Variants in SLIT2 observed in about 807,000 individuals in gnomAD.
The protein encoded by SLIT2 is slit homolog 2 protein.
Under a neutral mutation model 185.7 loss-of-function variants are expected in SLIT2, and 41 were observed. That is an observed-to-expected ratio of 0.22 (90% CI 0.17 to 0.29). The LOEUF (loss-of-function observed/expected upper bound fraction) is 0.29. Ranked by LOEUF, SLIT2 falls within the 10% of genes least tolerant of loss-of-function variation. The pLI, the probability that SLIT2 is intolerant of heterozygous loss-of-function variation, is 1.00. For missense variants in SLIT2, 1,571 were observed against 1,909.0 expected, an observed-to-expected ratio of 0.82 and a Z score of 3.30; for synonymous variants, 693 against 680.2, an observed-to-expected ratio of 1.02 and a Z score of -0.29.
chr4:20,301,857 A>G (rs531397773), intron 4 of SLIT2, among the ~76,000 whole-genome samples: 113 of 152,306 alleles, frequency 7.4e-4, no homozygotes, highest in African/African-American at 2.5e-3. Flanking sequence ...CTCCCTAACT[A>G]TGCTAGACAG....
chr4:20,533,768 T>A, intron 18 of SLIT2, 53 bp downstream of exon 18: 1 of 1,530,648 alleles, frequency 6.5e-7, no homozygotes, highest in Non-Finnish European at 8.9e-7. Flanking sequence ...TGCAGCTCAT[T>A]GTTCATTATA....
chr4:20,252,162 G>A lies in SLIT2; in HGVS notation c.-1654G>A, dbSNP rs1416992123. On this transcript the variant is annotated 5_prime_UTR_variant, in exon 1 of 37. Coordinates refer to ENST00000504154, the MANE Select transcript of SLIT2 (RefSeq NM_004787.4). ...AGCCGGCTCCGGAGGCGCGGGCCGGGTTTTTGTTTGGCTACGCTGAGCGCC... is the reference window on the plus strand; with the variant it reads ...AGCCGGCTCCGGAGGCGCGGGCCGGATTTTTGTTTGGCTACGCTGAGCGCC... Among the ~76,000 whole-genome samples, 2 of 152,088 alleles carry A rather than the reference G, an allele frequency of 1.3e-5. No individual in the cohort carries two copies. The highest frequency in any genetic ancestry group is 2.1e-4 in the South Asian group (1 of 4,836).
intron 9 of SLIT2, among the ~76,000 whole-genome samples, chr4:20,492,555 G>A (rs1208070793): frequency 1.3e-5 from 2 of 152,132 alleles, no homozygotes; most frequent in Non-Finnish European, 2.9e-5. Context: ...GGTCACATAA[G>A]ATGTAAAATG....
chr4:20,290,021 A>C (rs1437347523), intron 4 of SLIT2, among the ~76,000 whole-genome samples: 1 of 152,168 alleles, frequency 6.6e-6, no homozygotes, highest in Non-Finnish European at 1.5e-5. Context: ...GGGTCTTTGC[A>C]CATGCAGATT....
chr4:20,427,109 C>T lies in SLIT2; in HGVS notation c.396-40643C>T, dbSNP rs1014106549. On this transcript the variant is annotated intron_variant, in intron 4 of 36. Transcript: ENST00000504154. ...TCTGCAAGATAAGCAGACTTCAATC[C>T]TCAATTGAAAGGCAAAGACAGGCTT... Among the ~76,000 whole-genome samples the T allele has an allele frequency of 2.0e-5, 3 of 152,248 alleles. No individual in the cohort carries two copies. In the South Asian group the frequency reaches 6.2e-4, roughly 32 times the overall value.
chr4:20,343,274 G>A lies in SLIT2; in HGVS notation c.395+74393G>A, dbSNP rs187284833. On this transcript the variant is annotated intron_variant, in intron 4 of 36. Transcript: ENST00000504154. ...CTATCATTCCACTCTCCATTACTTC[G>A]TGGGGTCAACATTTTTAGCTCCCAC... Among the ~76,000 whole-genome samples, 166 of 151,950 alleles carry A rather than the reference G, an allele frequency of 1.1e-3. 2 individuals are homozygous for A. The highest frequency in any genetic ancestry group is 0.011 in the Admixed American group (162 of 15,282).
chr4:20,420,367 A>C (rs1728079588), intron 4 of SLIT2, among the ~76,000 whole-genome samples: 1 of 152,194 alleles, frequency 6.6e-6, no homozygotes, highest in African/African-American at 2.4e-5. Flanking sequence ...TTTCCAAGTG[A>C]TTAGTCTTTC....
At chr4:20,397,600 C>T (rs1028023216) in intron 4 of SLIT2, among the ~76,000 whole-genome samples, 3 of 151,812 alleles carry the variant, frequency 2.0e-5, no homozygotes, top group Non-Finnish European at 2.9e-5. Context: ...ATAATCTTCT[C>T]TGTCAAGATG....
chr4:20,443,637 G>A (rs752393643), intron 4 of SLIT2, among the ~76,000 whole-genome samples: 2 of 148,904 alleles, frequency 1.3e-5, no homozygotes, highest in Admixed American at 6.7e-5. Flanking sequence ...ACCAGGAATG[G>A]CTTTATAACA....
chr4:20,353,667 T>C (rs1440611408), intron 4 of SLIT2, among the ~76,000 whole-genome samples: 1 of 152,190 alleles, frequency 6.6e-6, no homozygotes, highest in Non-Finnish European at 1.5e-5. Flanking sequence ...TAGAGGCTTA[T>C]AGATCCTGAA....
At chr4:20,472,966 C>G (rs1161965448) in intron 5 of SLIT2, among the ~76,000 whole-genome samples, 1 of 151,388 alleles carries the variant, frequency 6.6e-6, no homozygotes, top group Non-Finnish European at 1.5e-5. Context: ...TTAAAATTAC[C>G]TAGATCACTA....
intron 4 of SLIT2, among the ~76,000 whole-genome samples, chr4:20,410,761 G>C (rs191456295): frequency 1.3e-4 from 20 of 152,146 alleles, no homozygotes; most frequent in African/African-American, 4.8e-4. Context: ...TCTGTATTCT[G>C]TTCCCTTGGT....
At chr4:20,386,565 G>A (rs187668826) in intron 4 of SLIT2, among the ~76,000 whole-genome samples, 1 of 152,220 alleles carries the variant, frequency 6.6e-6, no homozygotes, top group Non-Finnish European at 1.5e-5. Context: ...ATACCAATGT[G>A]CAAGCCTCAC....
At chr4:20,414,090 G>A (rs1012188802) in intron 4 of SLIT2, among the ~76,000 whole-genome samples, 7 of 151,964 alleles carry the variant, frequency 4.6e-5, no homozygotes, top group African/African-American at 1.7e-4. Flanking sequence ...TTTCTAAGGT[G>A]CAATTTTAAT....
At chr4:20,296,810 T>C (rs1406182048) in intron 4 of SLIT2, among the ~76,000 whole-genome samples, 1 of 152,216 alleles carries the variant, frequency 6.6e-6, no homozygotes, top group Non-Finnish European at 1.5e-5. Context: ...CAAGTGCAGA[T>C]TTCATCAAAT....
intron 4 of SLIT2, among the ~76,000 whole-genome samples, chr4:20,456,352 T>C (rs778982988): frequency 1.8e-4 from 27 of 152,158 alleles, no homozygotes; most frequent in Non-Finnish European, 2.9e-4. Context: ...CTTTGTCTCT[T>C]CTTTCCATTG....
At chr4:20,541,324 G>A in intron 19 of SLIT2, 129 bp from the exon 20 acceptor site, 1 of 714,546 alleles carries the variant, frequency 1.4e-6, no homozygotes, top group Admixed American at 2.9e-5. Flanking sequence ...AGTAAGAATG[G>A]GGACAGGGAA....
At position 20,533,695 on chromosome 4, in the gene SLIT2, A is replaced by T; in HGVS notation, c.1812A>T (p.Gly604=). ...ATGTGCAGCATAAGATGTTCAAGGGATTGGAAAGCCTCAAAACTTTGTAAG... is the reference window on the plus strand; with the variant it reads ...ATGTGCAGCATAAGATGTTCAAGGGTTTGGAAAGCCTCAAAACTTTGTAAG... ...LENVQHKMFK[G]LESLKTLMLR... is the part of the protein sequence containing the mutation. The change falls in exon 18 of 37, where the codon GGA becomes GGT. Residue 604 remains glycine, a synonymous_variant. Transcript: ENST00000504154. 1 of 1,612,180 alleles carries T rather than the reference A, an allele frequency of 6.2e-7. No individual in the cohort carries two copies. Among genetic ancestry groups the T allele is most frequent in the African/African-American group, 1.3e-5 (1 of 74,958 alleles).
intron 4 of SLIT2, among the ~76,000 whole-genome samples, chr4:20,335,284 G>T (rs1720398863): frequency 6.6e-6 from 1 of 152,144 alleles, no homozygotes; most frequent in Non-Finnish European, 1.5e-5. Context: ...GACTGGAGCT[G>T]CAGGGTGAAG....
Sources: allele counts gnomAD v4.1 joint callset (sites outside exome capture counted in the v4.1 genomes callset), GRCh38; gene constraint gnomAD v4.1.1; transcripts MANE v1.5; gene names NCBI Gene and HGNC (gene_info 2026-07-23, HGNC 2026-07-21).